PDE4D: variants seen among roughly 807,000 people sequenced by gnomAD.
PDE4D encodes the protein 3',5'-cyclic-AMP phosphodiesterase 4D.
PDE4D carries 24 observed loss-of-function variants against 87.4 expected under a neutral mutation model. The ratio of observed to expected loss-of-function variants is 0.27; its 90% CI spans 0.20 to 0.39. The LOEUF is 0.39. Among genes scored for constraint, PDE4D ranks in the 10% least tolerant of loss-of-function variants. PDE4D has a pLI of 1.00. For synonymous variants in PDE4D, 384 were observed against 383.2 expected (o/e 1.00, Z -0.02); for missense variants, 714 against 1,041.0 (o/e 0.69, Z 4.32).
At chr5:59,631,295 C>G (rs192527701) in intron 1 of PDE4D, among the ~76,000 whole-genome samples, 163 of 152,228 alleles carry the variant, frequency 1.1e-3, no homozygotes, top group Admixed American at 3.1e-3. Context: ...AGATTTGAAC[C>G]CACCTGTGTT....
At chr5:59,015,698 T>TGTAAAGTAGTTCCACAC (rs1288535661) in intron 6 of PDE4D, among the ~76,000 whole-genome samples, 1 of 152,172 alleles carries the variant, frequency 6.6e-6, no homozygotes, top group Non-Finnish European at 1.5e-5. Context: ...AGTTCAACCA[T>TGTAAAGTAGTTCCACAC]TGTGGAAGAC....
At chr5:60,348,585 A>G (rs1758922967) in intron 1 of PDE4D, among the ~76,000 whole-genome samples, 1 of 152,196 alleles carries the variant, frequency 6.6e-6, no homozygotes, top group South Asian at 2.1e-4. Context: ...TATATACATT[A>G]GAGTTGAAAA....
chr5:59,063,543 C>T (rs1398404714), intron 5 of PDE4D: 4 of 152,174 alleles, frequency 2.6e-5, no homozygotes, highest in African/African-American at 7.2e-5. Context: ...GGCTACTAAA[C>T]TTCAAGCCAA....
At chr5:59,231,433 C>T (rs1038437738) in intron 1 of PDE4D, among the ~76,000 whole-genome samples, 5 of 152,262 alleles carry the variant, frequency 3.3e-5, no homozygotes, top group Admixed American at 2.0e-4. Context: ...ACATGCCTAT[C>T]TTGATGTTCT....
chr5:59,140,224 A>G (rs1160317670), intron 5 of PDE4D, among the ~76,000 whole-genome samples: 1 of 152,240 alleles, frequency 6.6e-6, no homozygotes, highest in African/African-American at 2.4e-5. Flanking sequence ...TTAAGTAGTT[A>G]TAACTTGCAC....
intron 1 of PDE4D, chr5:59,768,193 G>A: frequency 6.3e-7 from 1 of 1,582,592 alleles, no homozygotes; most frequent in Non-Finnish European, 8.5e-7. Flanking sequence ...CGCGAGAGCA[G>A]GACTCCCTGA....
intron 2 of PDE4D, among the ~76,000 whole-genome samples, chr5:60,078,384 C>A (rs547028024): frequency 2.4e-4 from 37 of 152,102 alleles, no homozygotes; most frequent in African/African-American, 8.2e-4. Context: ...TTTTCATTTT[C>A]ATTGGTTGCA....
At chr5:59,333,842 T>A (rs1375217336) in intron 1 of PDE4D, among the ~76,000 whole-genome samples, 1 of 152,094 alleles carries the variant, frequency 6.6e-6, no homozygotes, top group African/African-American at 2.4e-5. Flanking sequence ...CATATCCTAA[T>A]TATATTTCAT....
intron 1 of PDE4D, among the ~76,000 whole-genome samples, chr5:59,769,133 T>C (rs1763188268): frequency 6.6e-6 from 1 of 152,062 alleles, no homozygotes; most frequent in African/African-American, 2.4e-5. Context: ...GAGAAATACT[T>C]CCCTGCTTAC....
intron 5 of PDE4D, among the ~76,000 whole-genome samples, chr5:59,086,602 T>G (rs1767730642): frequency 6.6e-6 from 1 of 152,172 alleles, no homozygotes; most frequent in Non-Finnish European, 1.5e-5. Context: ...CAGCTTACAT[T>G]GCTCTTCCAC....
At chr5:59,744,432 G>C (rs948777985) in intron 1 of PDE4D, among the ~76,000 whole-genome samples, 32 of 152,088 alleles carry the variant, frequency 2.1e-4, no homozygotes, top group African/African-American at 7.5e-4. Context: ...CTTTGTTATT[G>C]CTGAGCATCA....
intron 2 of PDE4D, among the ~76,000 whole-genome samples, chr5:60,096,646 G>A (rs1775709273): frequency 6.6e-6 from 1 of 151,998 alleles, no homozygotes. Flanking sequence ...TAAGCACACA[G>A]GACTATCTAG....
intron 1 of PDE4D, among the ~76,000 whole-genome samples, chr5:59,287,331 T>C (rs539177829): frequency 1.3e-3 from 194 of 151,382 alleles, no homozygotes; most frequent in Non-Finnish European, 2.2e-3. Context: ...CCTCTGCTTG[T>C]GGAAAGGAGA....
intron 1 of PDE4D, among the ~76,000 whole-genome samples, chr5:59,560,454 AGGGTTAGAT>A (rs1381801368): frequency 6.6e-6 from 1 of 152,212 alleles, no homozygotes; most frequent in African/African-American, 2.4e-5. Flanking sequence ...ACTCCAATTC[AGGGTTAGAT>A]ACTCTTTTGG....
chr5:60,470,441 C>A (rs1393219234), intron 1 of PDE4D, among the ~76,000 whole-genome samples: 1 of 152,254 alleles, frequency 6.6e-6, no homozygotes, highest in East Asian at 1.9e-4. Flanking sequence ...AACAGATTTT[C>A]AATGAAGGTA....
At chr5:59,207,445 G>A (rs9292198) in intron 2 of PDE4D, among the ~76,000 whole-genome samples, 47,221 of 151,710 alleles carry the variant, frequency 0.31, 7,643 homozygotes, top group East Asian at 0.51. Context: ...TCTAGGGGCC[G>A]TGTTTCATTG....
intron 6 of PDE4D, among the ~76,000 whole-genome samples, chr5:59,006,300 C>A (rs1211376589): frequency 6.6e-6 from 1 of 152,246 alleles, no homozygotes; most frequent in Non-Finnish European, 1.5e-5. Flanking sequence ...TGAAGTGCCT[C>A]ATGCCTGTAA....
intron 1 of PDE4D, among the ~76,000 whole-genome samples, chr5:59,396,137 A>T (rs368150111): frequency 8.4e-6 from 1 of 119,656 alleles, no homozygotes; most frequent in Non-Finnish European, 1.8e-5. Flanking sequence ...GGGAGAATGG[A>T]ACCAAGTTGG....
At chr5:59,890,638 C>A (rs1750824183) in intron 1 of PDE4D, among the ~76,000 whole-genome samples, 1 of 152,130 alleles carries the variant, frequency 6.6e-6, no homozygotes, top group Non-Finnish European at 1.5e-5. Context: ...TGTCAACAGG[C>A]CCAGGTTCTG....
Sources: gnomAD v4.1 joint callset for allele counts (sites outside exome capture counted in the v4.1 genomes callset) on GRCh38, gnomAD v4.1.1 for gene constraint, MANE v1.5 for transcripts, NCBI Gene and HGNC (gene_info 2026-07-23, HGNC 2026-07-21) for gene names.